TPM1: variants seen among roughly 807,000 people sequenced by gnomAD.
The protein encoded by TPM1 is tropomyosin alpha-1 chain.
TPM1 carries 24 observed loss-of-function variants against 42.9 expected under a neutral mutation model. The observed-to-expected ratio is 0.56, with a 90% confidence interval of 0.41 to 0.79. TPM1 has a LOEUF of 0.79. Among genes scored for constraint, TPM1 ranks in the 30% least tolerant of loss-of-function variants. The probability of loss-of-function intolerance (pLI) is 0.00; values close to 1 mark genes in which losing one functional copy is unlikely to be tolerated. For missense variants in TPM1, 158 were observed against 351.8 expected (o/e 0.45, Z 4.41); for synonymous variants, 136 against 130.1 (o/e 1.05, Z -0.31).
downstream of TPM1, among the ~76,000 whole-genome samples, chr15:63,068,770 G>A (rs1296856508): frequency 2.6e-5 from 4 of 152,148 alleles, no homozygotes; most frequent in African/African-American, 9.7e-5. Context: ...TGTATATCAC[G>A]CTGGTCTTCA....
chr15:63,063,070 G>A (rs545781648), intron 8 of TPM1: 4 of 982,044 alleles, frequency 4.1e-6, no homozygotes, highest in Non-Finnish European at 4.8e-6. Flanking sequence ...TAAGGATTTA[G>A]GGGTTATTTT....
chr15:63,062,477 A>C, intron 7 of TPM1, 99 bp from the exon 8 acceptor site: 1 of 1,424,620 alleles, frequency 7.0e-7, no homozygotes, highest in East Asian at 2.3e-5. Context: ...GATCCATTTT[A>C]TAGGTGATGT....
intron 3 of TPM1, 97 bp from the exon 4 acceptor site, chr15:63,059,466 A>T: frequency 1.1e-6 from 1 of 929,984 alleles, no homozygotes; most frequent in Non-Finnish European, 1.7e-6. Flanking sequence ...ATTTTGGTCT[A>T]CCACTTACAC....
downstream of TPM1, among the ~76,000 whole-genome samples, chr15:63,066,918 G>A (rs1383031739): frequency 6.6e-6 from 1 of 151,324 alleles, no homozygotes; most frequent in Non-Finnish European, 1.5e-5. Flanking sequence ...CAAAAAGATA[G>A]TTGGTGGAAA....
chr15:63,056,196 G>A (rs7166724), intron 2 of TPM1: 101,878 of 152,096 alleles, frequency 0.67, 34,587 homozygotes, highest in East Asian at 0.95. Flanking sequence ...ATGATAAAGT[G>A]GCTTGAAGGA....
intron 1 of TPM1, 79 bp from the exon 2 acceptor site, chr15:63,043,948 G>T: frequency 6.4e-7 from 1 of 1,565,370 alleles, no homozygotes; most frequent in South Asian, 1.2e-5. Flanking sequence ...CTGGTTCTGT[G>T]CACCCACACC....
chr15:63,051,089 G>T (rs2033760106), intron 2 of TPM1, among the ~76,000 whole-genome samples: 1 of 152,224 alleles, frequency 6.6e-6, no homozygotes, highest in Non-Finnish European at 1.5e-5. Flanking sequence ...TCCAGATCTT[G>T]TGACCCACTA....
rs1170845771 is a variant in TPM1, at chr15:63,045,885, T to C, written c.240+1733T>C. ...CGGGAAACTGCCCCTAAATCTGGCATATATGGCTTTTTTGATAGTGTATTG... is the reference window on the plus strand; with the variant it reads ...CGGGAAACTGCCCCTAAATCTGGCACATATGGCTTTTTTGATAGTGTATTG... On this transcript the variant is annotated intron_variant, in intron 2 of 9. Transcript: ENST00000403994. 6 of 152,278 alleles carry C rather than the reference T, an allele frequency of 3.9e-5. No individual in the cohort carries two copies. In the East Asian group the frequency reaches 9.6e-4, roughly 24 times the overall value. The allele number at this position is 152,278 out of a possible 1,614,324, so 9.4% of individuals were successfully genotyped here.
At chr15:63,070,304 ATATG>A, downstream of TPM1, 2 of 794,024 alleles carry the variant, frequency 2.5e-6, no homozygotes, top group South Asian at 4.5e-5. Flanking sequence ...ATATATATAT[ATATG>A]TGTGTGTGTG....
At chr15:63,063,351 C>G (rs2035901170) in intron 8 of TPM1, 2 of 985,318 alleles carry the variant, frequency 2.0e-6, no homozygotes, top group African/African-American at 1.7e-5. Flanking sequence ...GAGAGAATGA[C>G]AAATGGTTGC....
intron 9 of TPM1, chr15:63,064,859 C>G: frequency 1.1e-5 from 6 of 545,376 alleles, no homozygotes; most frequent in Non-Finnish European, 1.4e-5. Context: ...CCCAGCTACT[C>G]AGGAGGCTGA....
rs1255305586 is a variant in TPM1 at position 63,060,874 on chromosome 15, C to T, written c.498C>T (p.Ala166=). The change falls in exon 5 of 10, where the codon GCC becomes GCT. Residue 166 remains alanine (A), a synonymous_variant. Coordinates refer to ENST00000403994, the MANE Select transcript of TPM1 (RefSeq NM_001018005.2). ...GTTGTGTCTTCCTGCTGCAGGTGGC[C>T]CGTAAGCTGGTCATCATTGAGAGCG... ...EDADRKYEEV[A]RKLVIIESDL... is the part of the protein sequence containing the mutation. 6.2e-7 allele frequency: 1 copy of T among 1,614,140 alleles called. No individual in the cohort carries two copies. The highest frequency in any genetic ancestry group is 8.5e-7 in the Non-Finnish European group (1 of 1,180,034).
At chr15:63,062,349 T>C in intron 7 of TPM1, 72 bp downstream of exon 7, 1 of 1,497,340 alleles carries the variant, frequency 6.7e-7, no homozygotes, top group African/African-American at 1.4e-5. Context: ...GGTCAGGGCC[T>C]TTTCATTTTA....
intron 3 of TPM1, 128 bp from the exon 4 acceptor site, chr15:63,059,435 A>G: frequency 1.5e-6 from 1 of 688,514 alleles, no homozygotes; most frequent in South Asian, 1.4e-5. Context: ...GGTTTGGAAA[A>G]TAAAAGTAGC....
At chr15:63,043,417 C>T in intron 1 of TPM1, 1 of 634,336 alleles carries the variant, frequency 1.6e-6, no homozygotes, top group Non-Finnish European at 2.9e-6. Context: ...GGAATGGAGG[C>T]TACAGCCCGA....
chr15:63,059,929 C>T, intron 4 of TPM1: 1 of 369,726 alleles, frequency 2.7e-6, no homozygotes, highest in Non-Finnish European at 5.2e-6. Context: ...TCTCCCCCAG[C>T]CACAAAGACC....
intron 2 of TPM1, chr15:63,045,740 T>C (rs1005380223): frequency 6.6e-6 from 1 of 152,234 alleles, no homozygotes; most frequent in Non-Finnish European, 1.5e-5. Flanking sequence ...AAAAGTCTTG[T>C]TGAAGGGAGC....
chr15:63,065,860 C>T, intron 9 of TPM1, 36 bp from the exon 10 acceptor site: 1 of 1,530,888 alleles, frequency 6.5e-7, no homozygotes, highest in Non-Finnish European at 8.9e-7. Flanking sequence ...CATTGTGCCA[C>T]TTTTTTTTTC....
chr15:63,063,908 T>G (rs908109475), intron 8 of TPM1, 156 bp from the exon 9 acceptor site: 3 of 999,628 alleles, frequency 3.0e-6, no homozygotes, highest in Non-Finnish European at 4.3e-6. Context: ...AACGCACGCC[T>G]CCTGCATTGG....
Sources: allele counts gnomAD v4.1 joint callset (sites outside exome capture counted in the v4.1 genomes callset), GRCh38; gene constraint gnomAD v4.1.1; transcripts MANE v1.5; gene names NCBI Gene and HGNC (gene_info 2026-07-23, HGNC 2026-07-21).